SND1: variants seen among roughly 807,000 people sequenced by gnomAD.
The protein encoded by SND1 is staphylococcal nuclease and tudor domain containing 1.
A neutral mutation model predicts 121.7 loss-of-function variants in SND1; 38 were observed. That is an observed-to-expected ratio of 0.31 (90% CI 0.24 to 0.41). SND1 has a LOEUF of 0.41. SND1 is among the 10% of genes least tolerant of loss of function. The pLI is 1.00. For missense variants in SND1, 868 were observed against 1,184.6 expected (o/e 0.73, Z 3.92); for synonymous variants, 401 against 447.4 (o/e 0.90, Z 1.31).
At chr7:127,879,676 C>G (rs1799754164) in intron 12 of SND1, among the ~76,000 whole-genome samples, 1 of 152,110 alleles carries the variant, frequency 6.6e-6, no homozygotes, top group Non-Finnish European at 1.5e-5. Flanking sequence ...AGACCTCCAT[C>G]CTGGCTCTTC....
At chr7:127,992,303 TA>T (rs1490777526) in intron 16 of SND1, among the ~76,000 whole-genome samples, 1 of 152,206 alleles carries the variant, frequency 6.6e-6, no homozygotes, top group African/African-American at 2.4e-5. Flanking sequence ...CCTGAATTTT[TA>T]TCAATTAAAA....
In SND1 at chr7:127,652,272, C is replaced by G; in HGVS notation, c.-102C>G. 1 of 983,628 alleles carries G rather than the reference C, an allele frequency of 1.0e-6. No individual in the cohort carries two copies. Among genetic ancestry groups the G allele is most frequent in the Non-Finnish European group, 1.6e-6 (1 of 629,672 alleles). The allele number at this position is 983,628 out of a possible 1,614,324, so 60.9% of individuals were successfully genotyped here. ...CCGTCCACCGTCCGCAGCTGGTAGC[C>G]AGCCTGCCCCTCGCCTCGACTCCCT... On this transcript the variant is annotated 5_prime_UTR_variant, in exon 1 of 24. Coordinates refer to ENST00000354725, the MANE Select transcript of SND1 (RefSeq NM_014390.4).
chr7:128,050,105 A>G (rs1221782955), intron 16 of SND1, among the ~76,000 whole-genome samples: 2 of 152,198 alleles, frequency 1.3e-5, no homozygotes, highest in East Asian at 1.9e-4. Flanking sequence ...ACTCGCTTAC[A>G]TGTATGTGTG....
intron 18 of SND1, among the ~76,000 whole-genome samples, chr7:128,084,010 C>T (rs1793648407): frequency 6.6e-6 from 1 of 152,208 alleles, no homozygotes; most frequent in African/African-American, 2.4e-5. Flanking sequence ...AATCCCTCCT[C>T]CTGTGGCGCA....
At chr7:127,756,810 G>A (rs1435356555) in intron 10 of SND1, among the ~76,000 whole-genome samples, 1 of 151,950 alleles carries the variant, frequency 6.6e-6, no homozygotes, top group South Asian at 2.1e-4. Flanking sequence ...TTTGCACAAC[G>A]GTACATATTT....
chr7:128,021,417 A>G (rs144357226), intron 16 of SND1, among the ~76,000 whole-genome samples: 73 of 152,322 alleles, frequency 4.8e-4, no homozygotes, highest in African/African-American at 1.7e-3. Context: ...AGAGCTGCCT[A>G]TAACTCATTC....
chr7:127,823,022 A>G (rs923929089), intron 11 of SND1, among the ~76,000 whole-genome samples: 1 of 152,198 alleles, frequency 6.6e-6, no homozygotes, highest in Non-Finnish European at 1.5e-5. Flanking sequence ...ATAACAGCAA[A>G]CTACTGAGTC....
chr7:127,997,611 G>C, intron 16 of SND1: 35 of 464,128 alleles, frequency 7.5e-5, no homozygotes, highest in South Asian at 5.7e-4. Flanking sequence ...AGGTGCATTT[G>C]TTTAAAAAAT....
intron 16 of SND1, among the ~76,000 whole-genome samples, chr7:128,066,011 G>A (rs1228336504): frequency 6.6e-6 from 1 of 152,244 alleles, no homozygotes; most frequent in Non-Finnish European, 1.5e-5. Context: ...TGAACAGTCT[G>A]CTTCCTTATT....
At chr7:127,894,788 A>G (rs1584647921) in intron 13 of SND1, among the ~76,000 whole-genome samples, 1 of 149,362 alleles carries the variant, frequency 6.7e-6, no homozygotes, top group African/African-American at 2.5e-5. Context: ...ATGGCTTTGC[A>G]TTCATTTCTT....
chr7:128,030,377 C>T, intron 16 of SND1: 1 of 1,613,966 alleles, frequency 6.2e-7, no homozygotes, highest in Non-Finnish European at 8.5e-7. Flanking sequence ...CCTGGATCAT[C>T]TGGATGTTGT....
chr7:128,087,819 G>A (rs1310010596), intron 21 of SND1, among the ~76,000 whole-genome samples: 2 of 152,140 alleles, frequency 1.3e-5, no homozygotes, highest in Non-Finnish European at 2.9e-5. Context: ...GGAGCCCAGA[G>A]GCAGCATATG....
chr7:127,673,870 C>G (rs533929991), intron 1 of SND1, among the ~76,000 whole-genome samples: 1 of 152,318 alleles, frequency 6.6e-6, no homozygotes, highest in East Asian at 1.9e-4. Flanking sequence ...GTACTTTCTT[C>G]TGACACAGCA....
intron 16 of SND1, among the ~76,000 whole-genome samples, chr7:128,056,550 A>G (rs991834024): frequency 1.3e-5 from 2 of 152,194 alleles, no homozygotes; most frequent in Non-Finnish European, 2.9e-5. Flanking sequence ...CTGACCTTCT[A>G]CTGTGTGTCA....
intron 16 of SND1, among the ~76,000 whole-genome samples, chr7:128,051,575 A>G (rs1793046543): frequency 1.3e-5 from 2 of 152,224 alleles, no homozygotes; most frequent in African/African-American, 4.8e-5. Context: ...TGCACTGCCT[A>G]AACAGCATCT....
intron 15 of SND1, 106 bp from the exon 16 acceptor site, chr7:127,990,841 T>C (rs1183034301): frequency 2.9e-6 from 2 of 692,484 alleles, no homozygotes; most frequent in Non-Finnish European, 2.5e-6. Flanking sequence ...GGATGGAAGT[T>C]AGATGTAACG....
chr7:127,846,276 AT>A (rs975579277), intron 12 of SND1, among the ~76,000 whole-genome samples: 29 of 150,588 alleles, frequency 1.9e-4, no homozygotes, highest in African/African-American at 6.1e-4. Flanking sequence ...CCAAAGTAAA[AT>A]TTTTTTTTTA....
intron 11 of SND1, among the ~76,000 whole-genome samples, chr7:127,829,043 TTTG>T (rs1798693541): frequency 6.6e-6 from 1 of 152,104 alleles, no homozygotes; most frequent in Non-Finnish European, 1.5e-5. Flanking sequence ...CAGGGAGAGA[TTTG>T]TTGCTGTGTA....
intron 11 of SND1, among the ~76,000 whole-genome samples, chr7:127,828,258 A>G (rs1330630654): frequency 1.3e-5 from 2 of 152,046 alleles, no homozygotes; most frequent in African/African-American, 2.4e-5. Flanking sequence ...CAGCCTCCCA[A>G]AGTGCTGGGA....
Sources: allele counts gnomAD v4.1 joint callset (sites outside exome capture counted in the v4.1 genomes callset), GRCh38; gene constraint gnomAD v4.1.1; transcripts MANE v1.5; gene names NCBI Gene and HGNC (gene_info 2026-07-23, HGNC 2026-07-21).